CCDC3: variants seen among roughly 807,000 people sequenced by gnomAD.
The protein encoded by CCDC3 is coiled-coil domain containing 3.
In CCDC3, 24 loss-of-function variants were observed where a neutral mutation model predicts 21.4. That is an observed-to-expected ratio of 1.12 (90% CI 0.81 to 1.58). CCDC3 has a LOEUF of 1.58. CCDC3 is among the 40% of genes most tolerant of loss of function. The pLI, the probability that CCDC3 is intolerant of heterozygous loss-of-function variation, is 0.00. For synonymous variants in CCDC3, 186 were observed against 166.0 expected (o/e 1.12, Z -0.93); for missense variants, 425 against 360.9 (o/e 1.18, Z -1.44).
At chr10:12,966,855 G>C (rs551694725) in intron 2 of CCDC3, among the ~76,000 whole-genome samples, 1 of 152,306 alleles carries the variant, frequency 6.6e-6, no homozygotes, top group South Asian at 2.1e-4. Context: ...TATAGCACTT[G>C]ACAATGTTCA....
At chr10:13,001,715 C>A (rs958815339), upstream of CCDC3, 168 of 462,934 alleles carry the variant, frequency 3.6e-4, no homozygotes, top group African/African-American at 3.2e-3. Context: ...GCTCGGCATG[C>A]CCGGCCCTGG....
intron 4 of CCDC3, among the ~76,000 whole-genome samples, chr10:13,063,773 T>A (rs1226698657): frequency 6.6e-6 from 1 of 152,220 alleles, no homozygotes; most frequent in Non-Finnish European, 1.5e-5. Context: ...GAAGCCTTCC[T>A]TGTTAATATA....
At chr10:13,080,676 G>C (rs1004214780) in intron 3 of CCDC3, among the ~76,000 whole-genome samples, 1 of 152,222 alleles carries the variant, frequency 6.6e-6, no homozygotes, top group African/African-American at 2.4e-5. Context: ...GAACCCATTA[G>C]GGGCCCTCCA....
At chr10:12,986,827 T>C (rs1208122365) in intron 2 of CCDC3, among the ~76,000 whole-genome samples, 2 of 150,414 alleles carry the variant, frequency 1.3e-5, no homozygotes, top group African/African-American at 2.4e-5. Context: ...CCCTGTAAAA[T>C]AGGAAACTAA....
At chr10:13,029,570 C>A (rs944142868) in intron 5 of CCDC3, among the ~76,000 whole-genome samples, 3 of 152,016 alleles carry the variant, frequency 2.0e-5, no homozygotes, top group Non-Finnish European at 4.4e-5. Flanking sequence ...CCGAACCCAT[C>A]GCAAAGAAGC....
chr10:13,016,374 A>T (rs997752200), intron 5 of CCDC3, among the ~76,000 whole-genome samples: 1 of 150,608 alleles, frequency 6.6e-6, no homozygotes, highest in African/African-American at 2.4e-5. Context: ...TTTACATTTG[A>T]ATACTGTATA....
Position 13,001,440 on chromosome 10 carries a change from A to G in CCDC3, c.131T>C (p.Val44Ala). The change falls in exon 1 of 3, where the codon GTG becomes GCG. Residue 44 changes from valine to alanine, a missense_variant. Physicochemically the swap from Val to Ala is moderately conservative, Grantham distance 64. Transcript: ENST00000378825. ...GCRAELAETI[V>A]YARVLALHPE... ...GTGCAGCGCCAGCACCCTGGCGTAC[A>G]CGATGGTCTCGGCCAGCTCGGCGCG... 6.6e-7 allele frequency: 1 copy of G among 1,506,018 alleles called. No individual in the cohort carries two copies. The highest frequency in any genetic ancestry group is 8.9e-7 in the Non-Finnish European group (1 of 1,124,936). 93.3% of individuals were successfully genotyped at this position (1,506,018 alleles called of 1,614,324 possible). A position where few individuals can be genotyped will look rare whatever the true frequency, so the allele number is the denominator to read the frequency against.
At chr10:12,991,397 T>C (rs575791764) in intron 2 of CCDC3, among the ~76,000 whole-genome samples, 5 of 152,120 alleles carry the variant, frequency 3.3e-5, no homozygotes, top group Admixed American at 2.0e-4. Context: ...CTCAGATCAC[T>C]GCAACCTCTG....
upstream of CCDC3, among the ~76,000 whole-genome samples, chr10:13,006,358 T>A (rs941207766): frequency 1.3e-5 from 2 of 152,140 alleles, no homozygotes; most frequent in Non-Finnish European, 2.9e-5. Flanking sequence ...AGATACTACA[T>A]CTAGGACAGC....
chr10:12,954,635 G>C (rs1416237293), intron 2 of CCDC3, among the ~76,000 whole-genome samples: 1 of 152,140 alleles, frequency 6.6e-6, no homozygotes, highest in African/African-American at 2.4e-5. Context: ...TTAATAACCA[G>C]CTTTCATAGG....
intron 4 of CCDC3, among the ~76,000 whole-genome samples, chr10:13,063,522 A>T (rs941549701): frequency 1.3e-5 from 2 of 151,936 alleles, no homozygotes; most frequent in Admixed American, 1.3e-4. Flanking sequence ...GATTCATTGA[A>T]TCACAACAAT....
chr10:12,952,367 G>A (rs191973818), intron 2 of CCDC3, among the ~76,000 whole-genome samples: 84 of 152,252 alleles, frequency 5.5e-4, no homozygotes, highest in African/African-American at 1.4e-3. Context: ...AATCTTTTAC[G>A]GTCATGGACC....
intron 4 of CCDC3, among the ~76,000 whole-genome samples, chr10:13,072,213 A>G (rs1836891716): frequency 6.6e-6 from 1 of 152,132 alleles, no homozygotes; most frequent in South Asian, 2.1e-4. Flanking sequence ...ATCAAACTCC[A>G]AATGATCATG....
chr10:12,989,408 A>C (rs553339076), intron 2 of CCDC3, among the ~76,000 whole-genome samples: 77 of 152,058 alleles, frequency 5.1e-4, no homozygotes, highest in Non-Finnish European at 9.7e-4. Context: ...TTCATTCATT[A>C]CTCACTCATT....
intron 2 of CCDC3, among the ~76,000 whole-genome samples, chr10:12,951,206 T>C (rs1184778452): frequency 1.3e-5 from 2 of 151,934 alleles, no homozygotes; most frequent in African/African-American, 4.9e-5. Flanking sequence ...CTCTCATCTC[T>C]ACAAAAATAA....
intron 5 of CCDC3, among the ~76,000 whole-genome samples, chr10:13,041,758 G>A (rs1455094769): frequency 6.6e-6 from 1 of 151,822 alleles, no homozygotes; most frequent in Non-Finnish European, 1.5e-5. Flanking sequence ...AAAGTGCTGG[G>A]ATTACAGGTG....
intron 2 of CCDC3, among the ~76,000 whole-genome samples, chr10:12,911,612 T>C (rs1834271900): frequency 6.6e-6 from 1 of 152,260 alleles, no homozygotes; most frequent in Admixed American, 6.5e-5. Flanking sequence ...CTGAAATATG[T>C]GTACACTGAC....
upstream of CCDC3, among the ~76,000 whole-genome samples, chr10:13,006,436 A>G (rs1835925290): frequency 6.6e-6 from 1 of 152,196 alleles, no homozygotes; most frequent in Admixed American, 6.5e-5. Flanking sequence ...AGACCCATGC[A>G]ACTTTTGCAC....
chr10:12,963,628 T>A (rs1835213782), intron 2 of CCDC3, among the ~76,000 whole-genome samples: 1 of 138,018 alleles, frequency 7.2e-6, no homozygotes, highest in Admixed American at 7.9e-5. Context: ...TAACCCAGGC[T>A]GGAGTGCAGT....
Sources: allele counts gnomAD v4.1 joint callset (sites outside exome capture counted in the v4.1 genomes callset), GRCh38; gene constraint gnomAD v4.1.1; transcripts MANE v1.5; gene names NCBI Gene and HGNC (gene_info 2026-07-23, HGNC 2026-07-21).